Variants in SUSD5 observed in about 807,000 individuals in gnomAD.
SUSD5 encodes sushi domain containing 5.
A neutral mutation model predicts 29.5 loss-of-function variants in SUSD5; 33 were observed. The observed-to-expected ratio is 1.12, with a 90% CI of 0.85 to 1.49. The LOEUF is 1.49. Ranked by LOEUF, SUSD5 falls within the 40% of genes most tolerant of loss-of-function variation. The pLI, the probability that SUSD5 is intolerant of heterozygous loss-of-function variation, is 0.00. For missense variants in SUSD5, 776 were observed against 800.6 expected, an observed-to-expected ratio of 0.97 and a Z score of 0.37; for synonymous variants, 308 against 325.3, an observed-to-expected ratio of 0.95 and a Z score of 0.57.
At position 33,151,945 on chromosome 3, in the gene SUSD5, T is replaced by C. The variant is rs1266490603; in HGVS notation, c.*797A>G. 1.3e-5 allele frequency: 2 copies of C among 152,254 alleles called. No homozygotes were observed. Among genetic ancestry groups the C allele is most frequent in the African/African-American group, 4.8e-5 (2 of 41,454 alleles). 9.4% of individuals were successfully genotyped at this position (152,254 alleles called of 1,614,324 possible). On this transcript the variant is annotated 3_prime_UTR_variant, in exon 5 of 5. Coordinates refer to ENST00000309558, the MANE Select transcript of SUSD5 (RefSeq NM_015551.2). Reference sequence around the variant, plus strand: ...ACCTCAAAGCTTCTAGACTGTGTCCTGGCTCTTGGTTCATCTGCCCTCAGC... The same window carrying C: ...ACCTCAAAGCTTCTAGACTGTGTCCCGGCTCTTGGTTCATCTGCCCTCAGC...
At position 33,214,204 on chromosome 3, in the gene SUSD5, C is replaced by T. The variant is rs554194792; in HGVS notation, c.113-99G>A. 3.4e-5 allele frequency: 42 copies of T among 1,242,728 alleles called. 1 individual carries two copies. In the East Asian group the frequency reaches 1.1e-3, roughly 33 times the overall value. The allele number at this position is 1,242,728 out of a possible 1,614,324, so 77.0% of individuals were successfully genotyped here. A position where few individuals can be genotyped will look rare whatever the true frequency, so the allele number is the denominator to read the frequency against. On this transcript the variant is annotated intron_variant, in intron 1 of 4. Transcript: ENST00000309558. ...GCAGACGCCAGTTAGAACTGTAGTCCTTGCCTGAAGGCCCAAGTGCAGCAA... is the reference window on the plus strand; with the variant it reads ...GCAGACGCCAGTTAGAACTGTAGTCTTTGCCTGAAGGCCCAAGTGCAGCAA...
chr3:33,218,644 C>T, intron 1 of SUSD5, 42 bp downstream of exon 1: 1 of 1,260,516 alleles, frequency 7.9e-7, no homozygotes, highest in Non-Finnish European at 1.0e-6. Context: ...CTGCCCGGAC[C>T]CCACGCTCCA....
chr3:33,192,886 C>T (rs1285829432), intron 3 of SUSD5, among the ~76,000 whole-genome samples: 2 of 152,108 alleles, frequency 1.3e-5, no homozygotes, highest in Non-Finnish European at 2.9e-5. Flanking sequence ...TAGCCTAGTA[C>T]TATCAAATAA....
At chr3:33,211,391 T>C (rs539212007) in intron 2 of SUSD5, among the ~76,000 whole-genome samples, 14 of 152,368 alleles carry the variant, frequency 9.2e-5, no homozygotes, top group African/African-American at 3.1e-4. Flanking sequence ...TGAAATTTTA[T>C]AGTAACAGGA....
chr3:33,171,512 A>G (rs1462998546), intron 4 of SUSD5, among the ~76,000 whole-genome samples: 1 of 152,228 alleles, frequency 6.6e-6, no homozygotes, highest in Non-Finnish European at 1.5e-5. Context: ...AAATAACAAC[A>G]GCAAGCAAGC....
intron 4 of SUSD5, among the ~76,000 whole-genome samples, chr3:33,157,648 T>A (rs192601133): frequency 4.6e-5 from 7 of 152,320 alleles, no homozygotes; most frequent in African/African-American, 1.4e-4. Flanking sequence ...TTTTTTCATC[T>A]CTAGAATCTG....
intron 3 of SUSD5, among the ~76,000 whole-genome samples, chr3:33,188,541 T>C (rs1361029539): frequency 6.6e-6 from 1 of 152,206 alleles, no homozygotes; most frequent in Non-Finnish European, 1.5e-5. Flanking sequence ...TTTCTGACTC[T>C]GTAGCTGAGG....
chr3:33,215,001 T>G (rs1381676989), intron 1 of SUSD5, among the ~76,000 whole-genome samples: 1 of 152,096 alleles, frequency 6.6e-6, no homozygotes. Flanking sequence ...ACAAGTCATC[T>G]GCTTGCAAAA....
At chr3:33,186,035 C>T (rs1177229082) in intron 3 of SUSD5, among the ~76,000 whole-genome samples, 2 of 152,088 alleles carry the variant, frequency 1.3e-5, no homozygotes, top group African/African-American at 4.8e-5. Context: ...ACCTAAGAAG[C>T]ATATTGCTTA....
At chr3:33,179,050 T>C (rs2031612762) in intron 3 of SUSD5, among the ~76,000 whole-genome samples, 1 of 152,226 alleles carries the variant, frequency 6.6e-6, no homozygotes. Flanking sequence ...AATCCACTAG[T>C]GAACGCTCTG....
At chr3:33,214,641 C>T (rs1482604806) in intron 1 of SUSD5, among the ~76,000 whole-genome samples, 18 of 152,102 alleles carry the variant, frequency 1.2e-4, no homozygotes, top group Non-Finnish European at 2.2e-4. Flanking sequence ...CACAAGAAAA[C>T]AGGGATGATG....
chr3:33,207,789 A>C lies in SUSD5; in HGVS notation c.409+19T>G, dbSNP rs2032248813. The C allele has an allele frequency of 1.3e-6, 2 of 1,563,220 alleles. No homozygotes were observed. The highest frequency in any genetic ancestry group is 1.4e-5 in the African/African-American group (1 of 73,506). ...AAGAGCACACCCTCCAGCACCTTTA[A>C]GAAGACTCTGGCACTGACCTTCATC... is the stretch of plus-strand genomic sequence containing the variant. On this transcript the variant is annotated intron_variant, in intron 3 of 4. Transcript: ENST00000309558.
intron 3 of SUSD5, among the ~76,000 whole-genome samples, chr3:33,203,302 TC>T (rs1338548442): frequency 1.3e-5 from 2 of 151,146 alleles, no homozygotes; most frequent in African/African-American, 4.9e-5. Flanking sequence ...ACTGTGGGAA[TC>T]CATCCTGCTT....
intron 4 of SUSD5, among the ~76,000 whole-genome samples, chr3:33,158,876 C>CT (rs2031114281): frequency 6.6e-6 from 1 of 152,200 alleles, no homozygotes; most frequent in African/African-American, 2.4e-5. Flanking sequence ...ACCTTAAGGC[C>CT]TCTTTCCACA....
chr3:33,201,496 T>C (rs1486256019), intron 3 of SUSD5, among the ~76,000 whole-genome samples: 2 of 152,186 alleles, frequency 1.3e-5, no homozygotes, highest in African/African-American at 2.4e-5. Flanking sequence ...ATTGGCAACA[T>C]TTCTCTGGCT....
At chr3:33,200,590 C>T (rs914783196) in intron 3 of SUSD5, among the ~76,000 whole-genome samples, 1 of 152,088 alleles carries the variant, frequency 6.6e-6, no homozygotes, top group Non-Finnish European at 1.5e-5. Context: ...TACCTTGCCA[C>T]GAATGGACCA....
At chr3:33,195,445 T>G (rs1575540627) in intron 3 of SUSD5, among the ~76,000 whole-genome samples, 1 of 152,160 alleles carries the variant, frequency 6.6e-6, no homozygotes, top group Non-Finnish European at 1.5e-5. Context: ...GTTGTGCAGG[T>G]AATTGACAAG....
At chr3:33,191,591 A>G (rs1391309444) in intron 3 of SUSD5, among the ~76,000 whole-genome samples, 1 of 152,042 alleles carries the variant, frequency 6.6e-6, no homozygotes, top group Admixed American at 6.6e-5. Context: ...ATGAAAGGGA[A>G]TATGTAGTTT....
intron 3 of SUSD5, among the ~76,000 whole-genome samples, chr3:33,199,997 C>G (rs530023994): frequency 6.6e-6 from 1 of 152,282 alleles, no homozygotes; most frequent in Non-Finnish European, 1.5e-5. Context: ...TTGGACTCAT[C>G]AACCTCCAGA....
Sources: allele counts gnomAD v4.1 joint callset (sites outside exome capture counted in the v4.1 genomes callset), GRCh38; gene constraint gnomAD v4.1.1; transcripts MANE v1.5; gene names NCBI Gene and HGNC (gene_info 2026-07-23, HGNC 2026-07-21).